The following TAB2 variants were observed in gnomAD, a reference collection of about 807,000 sequenced individuals.
TAB2 encodes the protein TGF-beta-activated kinase 1 and MAP3K7-binding protein 2.
Under a neutral mutation model 65.0 loss-of-function variants are expected in TAB2, and 3 were observed. The observed-to-expected ratio is 0.05, with a 90% CI of 0.02 to 0.12. TAB2 has a LOEUF of 0.12. Among genes scored for constraint, TAB2 ranks in the 10% least tolerant of loss-of-function variants. TAB2 has a pLI of 1.00. For synonymous variants in TAB2, 298 were observed against 285.1 expected, an observed-to-expected ratio of 1.05 and a Z score of -0.46; for missense variants, 623 against 840.3, an observed-to-expected ratio of 0.74 and a Z score of 3.20.
At chr6:149,356,813 T>C (rs764172214) in intron 1 of TAB2, among the ~76,000 whole-genome samples, 1 of 152,210 alleles carries the variant, frequency 6.6e-6, no homozygotes, top group East Asian at 1.9e-4. Flanking sequence ...TTCACTCTTG[T>C]AGTGTGGAAT....
chr6:149,297,550 G>T (rs1003135113), intron 1 of TAB2, among the ~76,000 whole-genome samples: 1 of 151,950 alleles, frequency 6.6e-6, no homozygotes, highest in African/African-American at 2.4e-5. Context: ...TTTTGAGATT[G>T]GGTTTTGCTC....
intron 1 of TAB2, among the ~76,000 whole-genome samples, chr6:149,294,174 A>G (rs577236270): frequency 1.2e-4 from 19 of 152,318 alleles, no homozygotes; most frequent in African/African-American, 4.3e-4. Flanking sequence ...AACAACAGAA[A>G]TGTATTTTCT....
intron 1 of TAB2, among the ~76,000 whole-genome samples, chr6:149,289,907 A>G (rs1426956167): frequency 6.6e-6 from 1 of 152,180 alleles, no homozygotes; most frequent in Non-Finnish European, 1.5e-5. Context: ...CGTGGGGGGC[A>G]CAGTGGCAGC....
At chr6:149,298,771 GAC>G (rs1188633908) in intron 1 of TAB2, among the ~76,000 whole-genome samples, 2 of 152,084 alleles carry the variant, frequency 1.3e-5, no homozygotes. Flanking sequence ...CAAAATCTAA[GAC>G]ACACACACAT....
At chr6:149,397,786 G>T in intron 4 of TAB2, 22 bp downstream of exon 4, 1 of 1,611,802 alleles carries the variant, frequency 6.2e-7, no homozygotes, top group Admixed American at 1.7e-5. Flanking sequence ...TGTAACTGTT[G>T]TGATCTCTGC....
intron 1 of TAB2, among the ~76,000 whole-genome samples, chr6:149,330,248 ACTG>A (rs1779743401): frequency 6.6e-6 from 1 of 152,194 alleles, no homozygotes; most frequent in Admixed American, 6.5e-5. Flanking sequence ...TAAAAATAAA[ACTG>A]CTGTGAACAG....
At chr6:149,279,608 A>G (rs962472163) in intron 1 of TAB2, among the ~76,000 whole-genome samples, 2 of 152,198 alleles carry the variant, frequency 1.3e-5, no homozygotes, top group African/African-American at 4.8e-5. Flanking sequence ...ACTACAACGC[A>G]CAGGAATATC....
At chr6:149,399,859 C>A (rs1782311441) in intron 6 of TAB2, among the ~76,000 whole-genome samples, 1 of 152,064 alleles carries the variant, frequency 6.6e-6, no homozygotes, top group Non-Finnish European at 1.5e-5. Context: ...TTAATGGATA[C>A]ATAATATTAA....
intron 1 of TAB2, among the ~76,000 whole-genome samples, chr6:149,275,234 GAGAAAGAAAGAAAGAA>G (rs746637120): frequency 0.031 from 2,057 of 65,372 alleles, 31 homozygotes; most frequent in Admixed American, 0.04. Flanking sequence ...GGGAGAGAGA[GAGAAAGAAAGAAAGAA>G]AGAAAGAAAG....
intron 1 of TAB2, among the ~76,000 whole-genome samples, chr6:149,306,581 CA>C (rs969592029): frequency 2.8e-5 from 4 of 142,498 alleles, no homozygotes; most frequent in Non-Finnish European, 6.2e-5. Context: ...AAACAAAAAA[CA>C]AAAAAAAACA....
At chr6:149,314,642 A>T (rs1362697886), upstream of TAB2, among the ~76,000 whole-genome samples, 3 of 152,194 alleles carry the variant, frequency 2.0e-5, no homozygotes, top group Non-Finnish European at 2.9e-5. Context: ...CCTTGTATCA[A>T]TGCTATTTAT....
intron 1 of TAB2, among the ~76,000 whole-genome samples, chr6:149,302,158 C>T (rs1477867228): frequency 1.3e-5 from 2 of 152,112 alleles, no homozygotes; most frequent in African/African-American, 2.4e-5. Context: ...TGTCATTTTC[C>T]CAAATGCTAG....
In TAB2 at chr6:149,309,690, C is replaced by A. The variant is rs147651766; in HGVS notation, c.-120-68328C>A. Among the ~76,000 whole-genome samples, 1,059 of 147,880 alleles carry A rather than the reference C, an allele frequency of 7.2e-3. 3 individuals carry two copies. Among genetic ancestry groups the A allele is most frequent in the Non-Finnish European group, 0.011 (750 of 67,358 alleles). On this transcript the variant is annotated intron_variant, in intron 1 of 1. Coordinates refer to the TAB2 transcript ENST00000606202. ...GGGATTACAGGCGTGAGCCACCACG[C>A]CTGCCCTCAATTATTCCTCTTTAAA... is the stretch of plus-strand genomic sequence containing the variant.
At chr6:149,311,085 T>C (rs1031590328) in intron 1 of TAB2, among the ~76,000 whole-genome samples, 2 of 152,210 alleles carry the variant, frequency 1.3e-5, no homozygotes, top group Non-Finnish European at 2.9e-5. Context: ...ATGATCTAAT[T>C]ACGTTCCATC....
rs529875461 is a variant in TAB2 at position 149,233,612 on chromosome 6, T to C, written c.-121+14836T>C. On this transcript the variant is annotated intron_variant, in intron 1 of 1. Coordinates refer to the TAB2 transcript ENST00000606202. ...AATTGTTTACCAAATGACTCATGGA[T>C]CTGACATTCTTCAAATGAAAACCCC... Among the ~76,000 whole-genome samples the C allele has an allele frequency of 2.6e-5, 4 of 152,322 alleles. No homozygotes were observed. The South Asian group carries it at 6.2e-4, about 24-fold the overall frequency.
At chr6:149,321,794 T>C (rs887232255) in intron 1 of TAB2, among the ~76,000 whole-genome samples, 3 of 152,190 alleles carry the variant, frequency 2.0e-5, no homozygotes, top group South Asian at 2.1e-4. Flanking sequence ...TAAAATTGTG[T>C]ATGTTATATG....
At chr6:149,283,167 G>A (rs961633474) in intron 1 of TAB2, among the ~76,000 whole-genome samples, 8 of 152,162 alleles carry the variant, frequency 5.3e-5, no homozygotes, top group African/African-American at 1.7e-4. Flanking sequence ...CTGCTCTCCC[G>A]CTAGGGTTGG....
intron 1 of TAB2, among the ~76,000 whole-genome samples, chr6:149,342,408 T>A (rs1182745007): frequency 6.6e-6 from 1 of 152,194 alleles, no homozygotes; most frequent in Admixed American, 6.5e-5. Flanking sequence ...GGACAGTCTG[T>A]TGCTAAAAGC....
chr6:149,334,923 TA>T (rs1779889169), intron 1 of TAB2, among the ~76,000 whole-genome samples: 3 of 152,100 alleles, frequency 2.0e-5, no homozygotes, highest in Admixed American at 6.6e-5. Context: ...CATTAGTGAG[TA>T]GGAGGCAGTG....
Sources: allele counts gnomAD v4.1 joint callset (sites outside exome capture counted in the v4.1 genomes callset), GRCh38; gene constraint gnomAD v4.1.1; transcripts MANE v1.5; gene names NCBI Gene and HGNC (gene_info 2026-07-23, HGNC 2026-07-21).